Variants in PLD5 observed in about 807,000 individuals in gnomAD.
PLD5 encodes the protein inactive phospholipase D5.
A neutral mutation model predicts 61.1 loss-of-function variants in PLD5; 36 were observed. The ratio of observed to expected loss-of-function variants is 0.59; its 90% confidence interval spans 0.45 to 0.78. The LOEUF is 0.78. Ranked by LOEUF, PLD5 falls within the 30% of genes least tolerant of loss-of-function variation. PLD5 has a pLI of 0.00. For synonymous variants in PLD5, 243 were observed against 242.8 expected, an observed-to-expected ratio of 1.00 and a Z score of -0.01; for missense variants, 515 against 644.4, an observed-to-expected ratio of 0.80 and a Z score of 2.17.
At chr1:242,373,484 T>C (rs1262499834) in intron 1 of PLD5, among the ~76,000 whole-genome samples, 6 of 152,194 alleles carry the variant, frequency 3.9e-5, no homozygotes, top group African/African-American at 7.2e-5. Context: ...CATGCTGCTA[T>C]AAAGACACAT....
intron 5 of PLD5, among the ~76,000 whole-genome samples, chr1:242,146,464 A>C (rs544840230): frequency 6.6e-6 from 1 of 152,200 alleles, no homozygotes; most frequent in African/African-American, 2.4e-5. Context: ...ATCAAAGTCT[A>C]TTTACCTAAA....
the PLD5 span, among the ~76,000 whole-genome samples, chr1:242,529,701 G>C: frequency 1.3e-5 from 2 of 152,100 alleles, no homozygotes; most frequent in African/African-American, 2.4e-5. Context: ...CGAGATCCTG[G>C]TAGAGTGGGT....
At chr1:242,139,669 C>G (rs190790625) in intron 5 of PLD5, among the ~76,000 whole-genome samples, 35 of 152,264 alleles carry the variant, frequency 2.3e-4, no homozygotes, top group African/African-American at 7.0e-4. Flanking sequence ...TTAGCAATAT[C>G]GGTCATGTGG....
chr1:242,421,641 C>T (rs1260621492), intron 1 of PLD5, among the ~76,000 whole-genome samples: 1 of 152,172 alleles, frequency 6.6e-6, no homozygotes, highest in African/African-American at 2.4e-5. Flanking sequence ...GTTGGGAGGT[C>T]TTCACGAAGC....
At chr1:242,268,007 C>G (rs181246340) in intron 3 of PLD5, among the ~76,000 whole-genome samples, 5 of 151,916 alleles carry the variant, frequency 3.3e-5, no homozygotes, top group African/African-American at 1.2e-4. Flanking sequence ...GATTTTAGTG[C>G]CTTTGTAAAT....
At chr1:242,158,873 C>T (rs192057084) in intron 5 of PLD5, among the ~76,000 whole-genome samples, 27 of 152,274 alleles carry the variant, frequency 1.8e-4, no homozygotes, top group South Asian at 1.2e-3. Context: ...ACTCTACTGA[C>T]GAACCTATTG....
chr1:242,109,918 A>G (rs1661347496), intron 7 of PLD5, among the ~76,000 whole-genome samples: 1 of 151,826 alleles, frequency 6.6e-6, no homozygotes, highest in Admixed American at 6.6e-5. Flanking sequence ...AAGCATGAAC[A>G]GCATACCATC....
chr1:242,395,134 T>C (rs1663493341), intron 1 of PLD5, among the ~76,000 whole-genome samples: 2 of 148,818 alleles, frequency 1.3e-5, no homozygotes, highest in Admixed American at 6.8e-5. Context: ...TGTATATGTA[T>C]ATATTTTAAA....
At chr1:242,462,616 AAAAAAG>A (rs1442191197) in intron 1 of PLD5, among the ~76,000 whole-genome samples, 61 of 151,546 alleles carry the variant, frequency 4.0e-4, no homozygotes, top group African/African-American at 1.4e-3. Flanking sequence ...GAAATAAAAA[AAAAAAG>A]AAAAAAGGAA....
At chr1:242,271,418 G>C (rs1167718509) in intron 3 of PLD5, among the ~76,000 whole-genome samples, 1 of 151,494 alleles carries the variant, frequency 6.6e-6, no homozygotes, top group Non-Finnish European at 1.5e-5. Flanking sequence ...GAAGGTGAAG[G>C]CAAATTTGAA....
At chr1:242,291,679 G>A (rs1464939010) in intron 2 of PLD5, among the ~76,000 whole-genome samples, 3 of 152,048 alleles carry the variant, frequency 2.0e-5, no homozygotes, top group Admixed American at 6.5e-5. Flanking sequence ...GGTGGTGGGC[G>A]CCTGTAGTCC....
At chr1:242,452,876 C>G (rs1666831289) in intron 1 of PLD5, among the ~76,000 whole-genome samples, 1 of 151,990 alleles carries the variant, frequency 6.6e-6, no homozygotes, top group Non-Finnish European at 1.5e-5. Flanking sequence ...TAGGTCCTAT[C>G]TTCCCACACA....
chr1:242,142,718 C>CTCTT (rs771814704), intron 5 of PLD5, among the ~76,000 whole-genome samples: 3,309 of 95,056 alleles, frequency 0.035, 131 homozygotes, highest in African/African-American at 0.14. Flanking sequence ...GTGTCTTTCT[C>CTCTT]TCTCTCTCTC....
At chr1:242,253,848 T>A (rs921504851) in intron 4 of PLD5, among the ~76,000 whole-genome samples, 1 of 152,340 alleles carries the variant, frequency 6.6e-6, no homozygotes, top group East Asian at 1.9e-4. Context: ...ATTTTATGTG[T>A]TTAGATGGGT....
rs187672787 is a variant in PLD5 at position 242,288,031 on chromosome 1, G to A, written c.495+331C>T. Among the ~76,000 whole-genome samples, 247 of 152,334 alleles carry A rather than the reference G, an allele frequency of 1.6e-3. 1 individual carries two copies. Among genetic ancestry groups the A allele is most frequent in the Middle Eastern group, 3.4e-3 (1 of 294 alleles). On this transcript the variant is annotated intron_variant, in intron 3 of 9. Coordinates refer to ENST00000536534, the MANE Select transcript of PLD5 (RefSeq NM_001372062.1). The stretch of plus-strand genomic sequence containing the variant: ...TTAGAACTGTAAACACGCTAGTTGG[G>A]CGAAGCAGAATTCTGGACCATGCCA...
chr1:242,353,758 G>A (rs1387269277), intron 1 of PLD5, among the ~76,000 whole-genome samples: 1 of 151,914 alleles, frequency 6.6e-6, no homozygotes, highest in Admixed American at 6.6e-5. Flanking sequence ...ATTCCAGCCA[G>A]AATTATTTCC....
chr1:242,403,147 C>T (rs1029341444), intron 1 of PLD5, among the ~76,000 whole-genome samples: 6 of 152,166 alleles, frequency 3.9e-5, no homozygotes, highest in East Asian at 1.9e-4. Flanking sequence ...GGCATGGTTC[C>T]GTACTGGACA....
chr1:242,472,149 T>G (rs1313847798), intron 1 of PLD5, among the ~76,000 whole-genome samples: 6 of 152,194 alleles, frequency 3.9e-5, no homozygotes, highest in Non-Finnish European at 7.3e-5. Flanking sequence ...TGCATTTAAA[T>G]TGGACTTGTT....
In PLD5 at chr1:242,495,681, G is replaced by A. The variant is rs1302092519; in HGVS notation, c.189+28407C>T. On this transcript the variant is annotated intron_variant, in intron 1 of 9. Coordinates refer to ENST00000536534, the MANE Select transcript of PLD5 (RefSeq NM_001372062.1). The stretch of plus-strand genomic sequence containing the variant: ...TGTTAACAAGGAGAGAAGAGATCTA[G>A]GGAACAGAATGTGATTAGTTTGATT... 6.6e-5 allele frequency among the ~76,000 whole-genome samples: 10 copies of A among 152,248 alleles called. No individual in the cohort carries two copies. In the East Asian group the frequency reaches 1.9e-3, roughly 29 times the overall value.
Sources: allele counts gnomAD v4.1 joint callset (sites outside exome capture counted in the v4.1 genomes callset), GRCh38; gene constraint gnomAD v4.1.1; transcripts MANE v1.5; gene names NCBI Gene and HGNC (gene_info 2026-07-23, HGNC 2026-07-21).